The following ARHGAP21 variants were observed in gnomAD, a reference collection of about 807,000 sequenced individuals.
ARHGAP21 encodes the protein rho GTPase-activating protein 21.
In ARHGAP21, 38 loss-of-function variants were observed where a neutral mutation model predicts 164.6. The ratio of observed to expected loss-of-function variants is 0.23; its 90% CI spans 0.18 to 0.30. The LOEUF (loss-of-function observed/expected upper bound fraction) is 0.30. Among genes scored for constraint, ARHGAP21 ranks in the 10% least tolerant of loss-of-function variants. The pLI is 1.00. For synonymous variants in ARHGAP21, 766 were observed against 857.9 expected (o/e 0.89, Z 1.87); for missense variants, 1,822 against 2,370.7 (o/e 0.77, Z 4.81).
chr10:24,674,392 G>C (rs1477183283), intron 2 of ARHGAP21, among the ~76,000 whole-genome samples: 1 of 152,200 alleles, frequency 6.6e-6, no homozygotes, highest in Non-Finnish European at 1.5e-5. Flanking sequence ...AAATTAGCCA[G>C]GTGTGGTGGC....
At position 24,583,885 on chromosome 10, in the gene ARHGAP21, A is replaced by G. The variant is rs1486711909; in HGVS notation, c.*527T>C. ...CACACAAAACTCAAAAACTGTATTAAAAGTTTGAATATAAAACTCAGATCC... is the reference window on the plus strand; with the variant it reads ...CACACAAAACTCAAAAACTGTATTAGAAGTTTGAATATAAAACTCAGATCC... On this transcript the variant is annotated 3_prime_UTR_variant, in exon 26 of 26. Transcript: ENST00000396432. 1 of 152,660 alleles carries G rather than the reference A, an allele frequency of 6.6e-6. No homozygotes were observed. Among genetic ancestry groups the G allele is most frequent in the African/African-American group, 2.4e-5 (1 of 41,464 alleles). 9.5% of individuals were successfully genotyped at this position (152,660 alleles called of 1,614,324 possible).
At chr10:24,681,471 AATT>A (rs1485153016) in intron 2 of ARHGAP21, among the ~76,000 whole-genome samples, 1 of 152,226 alleles carries the variant, frequency 6.6e-6, no homozygotes, top group Non-Finnish European at 1.5e-5. Flanking sequence ...TATCTTTTGT[AATT>A]ATTTGCACTT....
At chr10:24,664,533 C>T (rs1022804032) in intron 4 of ARHGAP21, among the ~76,000 whole-genome samples, 19 of 146,606 alleles carry the variant, frequency 1.3e-4, no homozygotes, top group African/African-American at 4.6e-4. Context: ...TTCAGCCTGT[C>T]AACAGAGTGA....
chr10:24,678,512 G>C (rs887646030), intron 2 of ARHGAP21, among the ~76,000 whole-genome samples: 1 of 151,644 alleles, frequency 6.6e-6, no homozygotes, highest in African/African-American at 2.4e-5. Context: ...TTGTTGTTTT[G>C]TTTATTTTGA....
chr10:24,594,892 C>G, intron 21 of ARHGAP21, 58 bp downstream of exon 21: 3 of 1,360,626 alleles, frequency 2.2e-6, no homozygotes, highest in Non-Finnish European at 3.1e-6. Context: ...AGTAATGAAG[C>G]ATATCTTTTA....
chr10:24,680,137 T>TC (rs2131877988), intron 2 of ARHGAP21, among the ~76,000 whole-genome samples: 1 of 152,342 alleles, frequency 6.6e-6, no homozygotes, highest in Non-Finnish European at 1.5e-5. Flanking sequence ...TGTGGCTGGT[T>TC]TACATCACAG....
chr10:24,591,231 C>T lies in ARHGAP21; in HGVS notation c.4144G>A (p.Val1382Ile), dbSNP rs755514709. Residue 1382 changes from valine to isoleucine, a missense_variant, in exon 24 of 26, where the codon GTA becomes ATA. Coordinates refer to ENST00000396432, the MANE Select transcript of ARHGAP21 (RefSeq NM_020824.4). ...IGRTGVSPGD[V>I]SDSATSDSTK... The stretch of plus-strand genomic sequence containing the variant: ...CTGCCCAGGCAAGAGTTACCTGATA[C>T]ATCTCCTGGGGAGACTCCTGTCCTT... The T allele has an allele frequency of 3.7e-5, 60 of 1,610,938 alleles. No homozygotes were observed. The highest frequency in any genetic ancestry group is 8.3e-5 in the Admixed American group (5 of 59,938).
chr10:24,705,843 C>A (rs1844171140), intron 2 of ARHGAP21, among the ~76,000 whole-genome samples: 3 of 152,082 alleles, frequency 2.0e-5, no homozygotes, highest in Admixed American at 2.0e-4. Flanking sequence ...GTAAAAGAAG[C>A]CATTATGCTG....
chr10:24,653,448 C>A (rs578135326), intron 4 of ARHGAP21, among the ~76,000 whole-genome samples: 1 of 152,066 alleles, frequency 6.6e-6, no homozygotes, highest in East Asian at 1.9e-4. Context: ...TGGTGGCGGG[C>A]GCCTATAGTC....
intron 2 of ARHGAP21, among the ~76,000 whole-genome samples, chr10:24,715,829 C>G (rs1018073464): frequency 6.6e-6 from 1 of 152,044 alleles, no homozygotes; most frequent in Non-Finnish European, 1.5e-5. Flanking sequence ...GGCAACATGG[C>G]AAAACCCCAT....
chr10:24,715,289 AACATTTCAT>A (rs771997666), intron 2 of ARHGAP21, among the ~76,000 whole-genome samples: 24 of 152,242 alleles, frequency 1.6e-4, no homozygotes, highest in Non-Finnish European at 3.4e-4. Context: ...AACAACTGTT[AACATTTCAT>A]CACGGTCAAT....
intron 19 of ARHGAP21, among the ~76,000 whole-genome samples, chr10:24,595,441 A>AGTC (rs2076538734): frequency 2.0e-5 from 3 of 152,302 alleles, no homozygotes; most frequent in Non-Finnish European, 4.4e-5. Context: ...GGCTTGACTG[A>AGTC]AAAAACATTT....
At position 24,596,779 on chromosome 10, in the gene ARHGAP21, G is replaced by A. The variant is rs148593296; in HGVS notation, c.3438C>T (p.Gly1146=). 2,732 of 1,612,458 alleles carry A rather than the reference G, an allele frequency of 1.7e-3. No homozygotes were observed. The highest frequency in any genetic ancestry group is 2.2e-3 in the Non-Finnish European group (2,546 of 1,179,560). The change falls in exon 17 of 26, where the codon GGC becomes GGT. Residue 1146 remains glycine (G), a synonymous_variant. Transcript: ENST00000396432. ...EKKPTATGTF[G]VRLDDCPPAH... ...CTGGTGGGCAGTCATCTAGTCGGAC[G>A]CCGAAAGTTCCTGTAGCAGTTGGCT...
At chr10:24,590,940 TAAAAAAAAAAAA>T (rs901265529) in intron 24 of ARHGAP21, 22 of 739,586 alleles carry the variant, frequency 3.0e-5, no homozygotes, top group Non-Finnish European at 2.9e-5. Flanking sequence ...AACTGTGAAT[TAAAAAAAAAAAA>T]AAAAAAAAGA....
intron 11 of ARHGAP21, among the ~76,000 whole-genome samples, chr10:24,606,523 G>C (rs2077033320): frequency 6.6e-6 from 1 of 152,164 alleles, no homozygotes; most frequent in African/African-American, 2.4e-5. Flanking sequence ...TGTAACAGCA[G>C]AGGCTTTTCT....
intron 15 of ARHGAP21, 106 bp downstream of exon 15, chr10:24,597,839 G>T: frequency 8.0e-7 from 1 of 1,247,452 alleles, no homozygotes; most frequent in Non-Finnish European, 1.1e-6. Flanking sequence ...TACTATCTGC[G>T]GTTTCAAGCA....
intron 2 of ARHGAP21, among the ~76,000 whole-genome samples, chr10:24,721,547 G>C (rs942890812): frequency 6.6e-6 from 1 of 152,190 alleles, no homozygotes; most frequent in Non-Finnish European, 1.5e-5. Flanking sequence ...CAGGCTTGTA[G>C]CATCCACAGC....
At chr10:24,720,147 C>G (rs1377433868) in intron 2 of ARHGAP21, among the ~76,000 whole-genome samples, 1 of 151,402 alleles carries the variant, frequency 6.6e-6, no homozygotes, top group Non-Finnish European at 1.5e-5. Flanking sequence ...AAATACATAA[C>G]TGTCATTGTT....
intron 21 of ARHGAP21, among the ~76,000 whole-genome samples, chr10:24,594,033 G>GATCT (rs532248678): frequency 6.6e-6 from 1 of 151,976 alleles, no homozygotes; most frequent in Non-Finnish European, 1.5e-5. Context: ...TCACTAAACT[G>GATCT]ATCTATCTTT....
Sources: gnomAD v4.1 joint callset for allele counts (sites outside exome capture counted in the v4.1 genomes callset) on GRCh38, gnomAD v4.1.1 for gene constraint, MANE v1.5 for transcripts, NCBI Gene and HGNC (gene_info 2026-07-23, HGNC 2026-07-21) for gene names.